EXOC6B: variants seen among roughly 807,000 people sequenced by gnomAD.
The protein encoded by EXOC6B is exocyst complex component 6B, also known as SEC15 homolog B.
EXOC6B carries 54 observed loss-of-function variants against 113.5 expected under a neutral mutation model. The ratio of observed to expected loss-of-function variants is 0.48; its 90% CI spans 0.38 to 0.60. The LOEUF (loss-of-function observed/expected upper bound fraction) is 0.60. Among genes scored for constraint, EXOC6B ranks in the 20% least tolerant of loss-of-function variants. The pLI is 0.00. For missense variants in EXOC6B, 797 were observed against 977.5 expected, an observed-to-expected ratio of 0.82 and a Z score of 2.46; for synonymous variants, 357 against 339.0, an observed-to-expected ratio of 1.05 and a Z score of -0.58.
chr2:72,722,494 C>A (rs950392938), intron 5 of EXOC6B, among the ~76,000 whole-genome samples: 1 of 152,026 alleles, frequency 6.6e-6, no homozygotes, highest in Admixed American at 6.6e-5. Context: ...TGTTTTCCCT[C>A]ATGTGTTCCA....
rs187819260 is a variant in EXOC6B, at chr2:72,422,305, C to T, written c.1981-42435G>A. On this transcript the variant is annotated intron_variant, in intron 18 of 21. Coordinates refer to ENST00000272427, the MANE Select transcript of EXOC6B (RefSeq NM_015189.3). The stretch of plus-strand genomic sequence containing the variant: ...GCTGGGCTCCTGAGTCTGGTGGGGA[C>T]GTTGGAGAGTCTTTATTATCTAGCT... Among the ~76,000 whole-genome samples, 656 of 152,330 alleles carry T rather than the reference C, an allele frequency of 4.3e-3. 5 individuals are homozygous for T. The highest frequency in any genetic ancestry group is 0.014 in the African/African-American group (594 of 41,582).
At chr2:72,554,637 C>A (rs78555262) in intron 8 of EXOC6B, among the ~76,000 whole-genome samples, 2,740 of 152,294 alleles carry the variant, frequency 0.018, 78 homozygotes, top group African/African-American at 0.061. Flanking sequence ...GTTAGGCCTG[C>A]AGCACTGTGA....
intron 20 of EXOC6B, among the ~76,000 whole-genome samples, chr2:72,304,735 C>G (rs1306622487): frequency 1.3e-5 from 2 of 152,012 alleles, no homozygotes; most frequent in African/African-American, 4.8e-5. Context: ...TCAGCAGAGC[C>G]CTGTTTTTGG....
At chr2:72,488,345 T>C (rs960092039) in intron 16 of EXOC6B, among the ~76,000 whole-genome samples, 39 of 152,124 alleles carry the variant, frequency 2.6e-4, no homozygotes, top group Non-Finnish European at 5.9e-5. Flanking sequence ...CTTCTCCATC[T>C]TTATTCATTC....
intron 6 of EXOC6B, among the ~76,000 whole-genome samples, chr2:72,597,508 G>GA (rs943877917): frequency 2.8e-4 from 42 of 151,688 alleles, no homozygotes; most frequent in East Asian, 7.7e-4. Context: ...TAAAAGGCAG[G>GA]AAAAAAAGAT....
intron 6 of EXOC6B, among the ~76,000 whole-genome samples, chr2:72,654,176 T>G (rs1051987788): frequency 3.9e-5 from 6 of 152,170 alleles, no homozygotes; most frequent in Non-Finnish European, 1.5e-5. Context: ...TTCACCGTGT[T>G]AGCCAGGATG....
intron 18 of EXOC6B, among the ~76,000 whole-genome samples, chr2:72,444,448 T>C (rs1696438607): frequency 6.6e-6 from 1 of 152,168 alleles, no homozygotes; most frequent in African/African-American, 2.4e-5. Flanking sequence ...ACAGCTCCAC[T>C]AGGTGATGCC....
chr2:72,795,064 C>CT (rs1248768332), intron 1 of EXOC6B, among the ~76,000 whole-genome samples: 1 of 152,096 alleles, frequency 6.6e-6, no homozygotes, highest in Non-Finnish European at 1.5e-5. Flanking sequence ...TGGGCACATA[C>CT]TTTTTTGTCA....
intron 6 of EXOC6B, among the ~76,000 whole-genome samples, chr2:72,678,011 TA>T (rs929694969): frequency 7.8e-4 from 118 of 151,600 alleles, no homozygotes; most frequent in African/African-American, 2.5e-3. Flanking sequence ...TAGATTTAAT[TA>T]AAAAAAAATA....
chr2:72,455,505 C>T (rs1697173051), intron 18 of EXOC6B, among the ~76,000 whole-genome samples: 1 of 152,042 alleles, frequency 6.6e-6, no homozygotes, highest in Non-Finnish European at 1.5e-5. Flanking sequence ...TAGTGCTTCT[C>T]ATATAGAGTT....
intron 1 of EXOC6B, among the ~76,000 whole-genome samples, chr2:72,752,191 A>T (rs1682085242): frequency 1.3e-5 from 2 of 152,172 alleles, no homozygotes; most frequent in African/African-American, 4.8e-5. Flanking sequence ...TATTACATTT[A>T]AAAAATTCAG....
intron 6 of EXOC6B, among the ~76,000 whole-genome samples, chr2:72,601,130 G>A (rs899963383): frequency 4.1e-4 from 4 of 9,728 alleles, no homozygotes; most frequent in East Asian, 3.5e-3. Context: ...GTGTATGTGT[G>A]TGTGTGTGTG....
chr2:72,513,038 CAAAG>C (rs1241271307), intron 11 of EXOC6B, 90 bp downstream of exon 11: 47 of 1,413,568 alleles, frequency 3.3e-5, no homozygotes, highest in Admixed American at 1.4e-4. Context: ...TGAGTGATTC[CAAAG>C]ACATACATAT....
intron 6 of EXOC6B, among the ~76,000 whole-genome samples, chr2:72,586,071 C>G (rs1705549033): frequency 6.6e-6 from 1 of 152,118 alleles, no homozygotes; most frequent in Non-Finnish European, 1.5e-5. Flanking sequence ...AGCTGGACCC[C>G]TGTCTTTCAC....
chr2:72,486,461 C>T (rs1229459614), intron 16 of EXOC6B, among the ~76,000 whole-genome samples: 1 of 152,116 alleles, frequency 6.6e-6, no homozygotes, highest in Non-Finnish European at 1.5e-5. Flanking sequence ...CTTGATGCTA[C>T]CAAATAATCA....
chr2:72,513,325 G>A, intron 10 of EXOC6B, 73 bp from the exon 11 acceptor site: 2 of 1,543,454 alleles, frequency 1.3e-6, no homozygotes, highest in Non-Finnish European at 1.8e-6. Context: ...GGTTTGACAA[G>A]CATTAAGAGA....
intron 20 of EXOC6B, among the ~76,000 whole-genome samples, chr2:72,297,907 A>G (rs1478260115): frequency 6.6e-6 from 1 of 152,086 alleles, no homozygotes; most frequent in Middle Eastern, 3.2e-3. Context: ...TTTATTTCCA[A>G]TTATGTGGTC....
At chr2:72,495,632 C>A in intron 14 of EXOC6B, 93 bp from the exon 15 acceptor site, 1 of 719,594 alleles carries the variant, frequency 1.4e-6, no homozygotes, top group South Asian at 1.8e-5. Context: ...AACATTCTTT[C>A]ACATTGTGAA....
chr2:72,548,158 G>T (rs1005792451), intron 8 of EXOC6B, among the ~76,000 whole-genome samples: 1 of 151,902 alleles, frequency 6.6e-6, no homozygotes, highest in Non-Finnish European at 1.5e-5. Flanking sequence ...CCAAAGTTCA[G>T]CACTTCCTAG....
Sources: allele counts gnomAD v4.1 joint callset (sites outside exome capture counted in the v4.1 genomes callset), GRCh38; gene constraint gnomAD v4.1.1; transcripts MANE v1.5; gene names NCBI Gene and HGNC (gene_info 2026-07-23, HGNC 2026-07-21).